The following MNS1 variants were observed in gnomAD, a reference collection of about 807,000 sequenced individuals.
MNS1 encodes the protein meiosis specific nuclear structural 1.
A neutral mutation model predicts 72.0 loss-of-function variants in MNS1; 63 were observed. The ratio of observed to expected loss-of-function variants is 0.87; its 90% confidence interval spans 0.71 to 1.08. MNS1 has a LOEUF of 1.08. Among genes scored for constraint, MNS1 ranks in the 50% least tolerant of loss-of-function variants. The pLI is 0.00. For synonymous variants in MNS1, 188 were observed against 172.1 expected (o/e 1.09, Z -0.72); for missense variants, 604 against 562.4 (o/e 1.07, Z -0.75).
intron 3 of MNS1, among the ~76,000 whole-genome samples, chr15:56,448,600 A>T (rs901325861): frequency 1.3e-5 from 2 of 152,168 alleles, no homozygotes; most frequent in South Asian, 2.1e-4. Flanking sequence ...ATTCCGTGGT[A>T]TATATGTACC....
intron 2 of MNS1, among the ~76,000 whole-genome samples, chr15:56,457,896 CTT>C (rs35713326): frequency 0.28 from 42,370 of 151,526 alleles, 6,649 homozygotes; most frequent in Middle Eastern, 0.45. Context: ...GAAATGAAAA[CTT>C]TTTATTTAAA....
At chr15:56,436,363 G>A (rs980377167) in intron 7 of MNS1, among the ~76,000 whole-genome samples, 7 of 152,076 alleles carry the variant, frequency 4.6e-5, no homozygotes, top group African/African-American at 9.7e-5. Flanking sequence ...ACTACTGGAT[G>A]CATAACGAAA....
intron 7 of MNS1, among the ~76,000 whole-genome samples, chr15:56,434,864 C>G (rs368554491): frequency 7.2e-5 from 11 of 152,092 alleles, no homozygotes; most frequent in African/African-American, 2.7e-4. Context: ...TCCCTTCATT[C>G]TCCAAAATTC....
intron 4 of MNS1, among the ~76,000 whole-genome samples, chr15:56,445,393 T>A (rs1011189322): frequency 6.6e-6 from 1 of 152,044 alleles, no homozygotes; most frequent in Non-Finnish European, 1.5e-5. Flanking sequence ...GGCAATTTTT[T>A]AAACTACGCT....
At chr15:56,447,829 T>A (rs2050918958) in intron 3 of MNS1, 1 of 152,176 alleles carries the variant, frequency 6.6e-6, no homozygotes, top group African/African-American at 2.4e-5. Flanking sequence ...TTCGCACTTA[T>A]CCTGAGGCAA....
Position 56,429,000 on chromosome 15 carries a change from A to G in MNS1, c.*101T>C. Reference sequence around the variant, plus strand: ...CAGTGATGATTTACAAAATCCAAACAGACAATGGATACCTAATGCCACTGA... The same window carrying G: ...CAGTGATGATTTACAAAATCCAAACGGACAATGGATACCTAATGCCACTGA... On this transcript the variant is annotated 3_prime_UTR_variant, in exon 10 of 10. Coordinates refer to ENST00000260453, the MANE Select transcript of MNS1 (RefSeq NM_018365.4). The G allele has an allele frequency of 1.6e-6, 1 of 614,456 alleles. No individual in the cohort carries two copies. The allele number at this position is 614,456 out of a possible 1,614,324, so 38.1% of individuals were successfully genotyped here.
chr15:56,445,558 G>T (rs1211679634), intron 4 of MNS1: 1 of 151,910 alleles, frequency 6.6e-6, no homozygotes, highest in East Asian at 1.9e-4. Flanking sequence ...AAATGTTTCT[G>T]ATTATCTTCT....
intron 2 of MNS1, among the ~76,000 whole-genome samples, chr15:56,459,569 G>A (rs547974468): frequency 7.2e-5 from 11 of 152,172 alleles, no homozygotes; most frequent in South Asian, 6.2e-4. Context: ...GTGGTAATTC[G>A]TTACTTAGCA....
chr15:56,447,075 G>A (rs2050910922), intron 3 of MNS1, 132 bp from the exon 4 acceptor site: 1 of 627,772 alleles, frequency 1.6e-6, no homozygotes, highest in South Asian at 2.1e-5. Flanking sequence ...AGATCCATAG[G>A]AGAAATAATT....
chr15:56,443,652 G>A lies in MNS1; in HGVS notation c.889C>T (p.Gln297Ter). ...TATTTTAATACCGCATTCTGAAGCT[G>A]TAGCCTTTTCTCCTCATTTTCTTGA... ...KVQENEEKRLQLQNALTQKLE... is the reference protein window; with the variant it reads ...KVQENEEKRL The change falls in exon 6 of 10, where the codon CAG (glutamine) becomes TAG (stop). Residue 297 changes from glutamine (Q) to a stop codon, truncating the protein, a stop_gained. Coordinates refer to ENST00000260453, the MANE Select transcript of MNS1 (RefSeq NM_018365.4). LOFTEE classifies it high-confidence loss of function. 1.9e-6 allele frequency: 3 copies of A among 1,612,556 alleles called. No homozygotes were observed. In the Middle Eastern group the frequency reaches 5.0e-4, roughly 266 times the overall value.
Position 56,456,396 on chromosome 15 carries a change from G to C in MNS1, c.351C>G (p.Asn117Lys). The C allele has an allele frequency of 6.2e-7, 1 of 1,603,732 alleles. No individual in the cohort carries two copies. The highest frequency in any genetic ancestry group is 8.5e-7 in the Non-Finnish European group (1 of 1,177,416). The part of the protein sequence containing the change: ...DEKMRQQVRE[N>K]SIELRELEKK... Reference sequence around the variant, plus strand: ...GAAATTTAGAGAAACCAAGATACCTGTTTTCTCTTACTTGTTGCCTCATCT... The same window carrying C: ...GAAATTTAGAGAAACCAAGATACCTCTTTTCTCTTACTTGTTGCCTCATCT... Residue 117 changes from asparagine to lysine, a missense_variant and splice_region_variant, in exon 3 of 10, where the codon AAC (asparagine) becomes AAG (lysine). Asn to Lys is a moderately conservative substitution (Grantham distance 94). Transcript: ENST00000260453.
intron 9 of MNS1, 142 bp downstream of exon 9, chr15:56,431,231 A>G (rs2050584814): frequency 1.2e-6 from 1 of 838,954 alleles, no homozygotes; most frequent in South Asian, 1.9e-5. Flanking sequence ...AGAGAGGTTC[A>G]GTGCCTGGAC....
At chr15:56,455,827 T>C (rs911452003) in intron 3 of MNS1, among the ~76,000 whole-genome samples, 2 of 152,144 alleles carry the variant, frequency 1.3e-5, no homozygotes, top group African/African-American at 4.8e-5. Flanking sequence ...AGCCAGGTTA[T>C]GTAAGAAACA....
rs1444883576 is a variant in MNS1, at chr15:56,464,209, A to T, written c.42T>A (p.His14Gln). Residue 14 changes from histidine (H) to glutamine (Q), a missense_variant, in exon 2 of 10, where the codon CAT becomes CAA. His to Gln is a conservative substitution (Grantham distance 24, BLOSUM62 0). Transcript: ENST00000260453. ...AGTAGTTTTCATCTACTAATTTCTGATGCCTTTCACTACAGCTCAAATTTC... is the reference window on the plus strand; with the variant it reads ...AGTAGTTTTCATCTACTAATTTCTGTTGCCTTTCACTACAGCTCAAATTTC... The part of the protein sequence containing the change: ...KRRNLSCSER[H>Q]QKLVDENYCK... 1 of 1,613,700 alleles carries T rather than the reference A, an allele frequency of 6.2e-7. No homozygotes were observed. The highest frequency in any genetic ancestry group is 8.5e-7 in the Non-Finnish European group (1 of 1,179,968).
chr15:56,460,009 A>AT (rs1555449667), intron 2 of MNS1, among the ~76,000 whole-genome samples: 2 of 26,386 alleles, frequency 7.6e-5, no homozygotes, highest in Admixed American at 5.6e-4. Context: ...AAAAAAAAAA[A>AT]ATACATATAT....
At position 56,444,524 on chromosome 15, in the gene MNS1, C is replaced by CTTTTTTTTT. The variant is rs549395315; in HGVS notation, c.597_605dup (p.Lys200_Lys202dup). On this transcript the variant is annotated inframe_insertion, in exon 5 of 10. Coordinates refer to ENST00000260453, the MANE Select transcript of MNS1 (RefSeq NM_018365.4). ...TTAGCAGCTGCTCATAAGCTTCCTG[C>CTTTTTTTTT]TTTTTTTTTTCTTGTTCTTCAAGTT... is the stretch of plus-strand genomic sequence containing the variant. 6.6e-7 allele frequency: 1 copy of CTTTTTTTTT among 1,511,602 alleles called. No individual in the cohort carries two copies. Among genetic ancestry groups the CTTTTTTTTT allele is most frequent in the Non-Finnish European group, 9.0e-7 (1 of 1,105,134 alleles). 93.6% of individuals were successfully genotyped at this position (1,511,602 alleles called of 1,614,324 possible).
At position 56,446,934 on chromosome 15, in the gene MNS1, A is replaced by C. The variant is rs776203785; in HGVS notation, c.363T>G (p.Leu121=). The C allele has an allele frequency of 1.2e-6, 2 of 1,607,156 alleles. No homozygotes were observed. The highest frequency in any genetic ancestry group is 1.7e-6 in the Non-Finnish European group (2 of 1,178,068). The part of the protein sequence containing the change: ...RQQVRENSIE[L]RELEKKLKAA... ...CTTTTAATTTCTTCTCCAATTCTCT[A>C]AGCTCAATGCTGTTTAAAAAAACAA... Residue 121 remains leucine (L), a synonymous_variant, in exon 4 of 10, where the codon CTT becomes CTG. Transcript: ENST00000260453.
In MNS1 at chr15:56,464,377, T is replaced by C. The variant is rs16976917; in HGVS notation, c.4-130A>G. On this transcript the variant is annotated intron_variant, in intron 1 of 9. Transcript: ENST00000260453. ...CTTCCTTCCTAAATTCAAAGGAGTA[T>C]ACCGAATAAAAAGTAAACGTGGTAA... is the stretch of plus-strand genomic sequence containing the variant. 6,667 of 675,018 alleles carry C rather than the reference T, an allele frequency of 9.9e-3. 345 individuals carry two copies. In the African/African-American group the frequency reaches 0.1, roughly 10 times the overall value. The allele number at this position is 675,018 out of a possible 1,614,324, so 41.8% of individuals were successfully genotyped here.
At chr15:56,461,660 C>CAAAAAAAAAAAAAAAAAAAAAAAAAAA (rs11294380) in intron 2 of MNS1, among the ~76,000 whole-genome samples, 1 of 57,088 alleles carries the variant, frequency 1.8e-5, no homozygotes, top group Non-Finnish European at 3.2e-5. Flanking sequence ...GACTCTGTCT[C>CAAAAAAAAAAAAAAAAAAAAAAAAAAA]AAAAAAAAAA....
Sources: allele counts gnomAD v4.1 joint callset (sites outside exome capture counted in the v4.1 genomes callset), GRCh38; gene constraint gnomAD v4.1.1; transcripts MANE v1.5; gene names NCBI Gene and HGNC (gene_info 2026-07-23, HGNC 2026-07-21).